The following RGS22 variants were observed in gnomAD, a reference collection of about 807,000 sequenced individuals.
RGS22 encodes the protein regulator of G protein signaling 22.
A neutral mutation model predicts 172.9 loss-of-function variants in RGS22; 148 were observed. That is an observed-to-expected ratio of 0.86 (90% confidence interval 0.75 to 0.98). The LOEUF (loss-of-function observed/expected upper bound fraction) is 0.98, where lower values mean the gene tolerates loss of function less well. Among genes scored for constraint, RGS22 ranks in the 50% least tolerant of loss-of-function variants. The pLI is 0.00. For synonymous variants in RGS22, 458 were observed against 480.2 expected (o/e 0.95, Z 0.60); for missense variants, 1,347 against 1,440.8 (o/e 0.93, Z 1.05).
At chr8:99,989,555 GATA>G in intron 20 of RGS22, among the ~76,000 whole-genome samples, 1 of 152,292 alleles carries the variant, frequency 6.6e-6, no homozygotes, top group East Asian at 1.9e-4. Flanking sequence ...AAATAGAAGG[GATA>G]ATGTGCCAGG....
chr8:100,085,192 T>C (rs1812074753), intron 3 of RGS22, among the ~76,000 whole-genome samples: 1 of 152,216 alleles, frequency 6.6e-6, no homozygotes, highest in South Asian at 2.1e-4. Context: ...AAAGTCTATA[T>C]CTTCTGCTCT....
chr8:100,002,354 T>G lies in RGS22; in HGVS notation c.2638A>C (p.Met880Leu), dbSNP rs758666099. 1.9e-6 allele frequency: 3 copies of G among 1,602,380 alleles called. No individual in the cohort carries two copies. Among genetic ancestry groups the G allele is most frequent in the Non-Finnish European group, 2.5e-6 (3 of 1,177,090 alleles). Residue 880 changes from methionine to leucine, a missense_variant, in exon 18 of 28, where the codon ATG becomes CTG. Met to Leu is a conservative substitution (Grantham distance 15). Coordinates refer to ENST00000360863, the MANE Select transcript of RGS22 (RefSeq NM_015668.5). Reference sequence around the variant, plus strand: ...AACTGCTCAATGTCTGTCCAGCACATAAGATCCATGCTAAAATGAAAACAA... The same window carrying G: ...AACTGCTCAATGTCTGTCCAGCACAGAAGATCCATGCTAAAATGAAAACAA... ...LETHSSSMDL[M>L]CWTDIEQFRR... is the part of the protein sequence containing the mutation.
chr8:99,972,565 A>T (rs1177773204), intron 23 of RGS22, among the ~76,000 whole-genome samples: 2 of 152,134 alleles, frequency 1.3e-5, no homozygotes, highest in African/African-American at 4.8e-5. Flanking sequence ...GGAAAAAACA[A>T]GCAATCCCAT....
intron 23 of RGS22, among the ~76,000 whole-genome samples, chr8:99,977,378 C>A (rs922664015): frequency 2.6e-5 from 4 of 151,396 alleles, no homozygotes; most frequent in African/African-American, 7.3e-5. Flanking sequence ...CCGTCTCGGC[C>A]TCCCAAAGTG....
intron 4 of RGS22, among the ~76,000 whole-genome samples, chr8:100,078,775 C>T (rs540240791): frequency 3.9e-5 from 6 of 152,050 alleles, no homozygotes; most frequent in Non-Finnish European, 7.4e-5. Flanking sequence ...TACAAGTGTA[C>T]GCCACCATGC....
rs746359304 is a variant in RGS22, at chr8:100,052,827, C to T, written c.1664G>A (p.Cys555Tyr). The T allele has an allele frequency of 6.2e-7, 1 of 1,614,024 alleles. No homozygotes were observed. The highest frequency in any genetic ancestry group is 1.1e-5 in the South Asian group (1 of 91,072). The change falls in exon 10 of 28, where the codon TGC becomes TAC. Residue 555 changes from cysteine to tyrosine, a missense_variant. Cys to Tyr is a radical substitution (Grantham distance 194). Coordinates refer to ENST00000360863, the MANE Select transcript of RGS22 (RefSeq NM_015668.5). ...ATLLPLRPKS[C>Y]IPQIPEIQKE... ...CTGGATCTCAGGTATCTGTGGAATG[C>T]AAGATTTGGGTCTTAATGGCAAGAG...
intron 9 of RGS22, among the ~76,000 whole-genome samples, chr8:100,058,116 A>G (rs1386845423): frequency 6.6e-6 from 1 of 152,054 alleles, no homozygotes; most frequent in East Asian, 1.9e-4. Context: ...TAATTGATCA[A>G]GAAGAAAGAA....
At chr8:100,020,650 G>A (rs1032261476) in intron 14 of RGS22, among the ~76,000 whole-genome samples, 9 of 152,176 alleles carry the variant, frequency 5.9e-5, no homozygotes, top group African/African-American at 1.2e-4. Context: ...CACAAGAGCC[G>A]ATTCATAAAC....
At chr8:100,054,383 C>G (rs1416284756) in intron 9 of RGS22, 1 of 154,172 alleles carries the variant, frequency 6.5e-6, no homozygotes, top group African/African-American at 2.4e-5. Flanking sequence ...TGCTTGAGGC[C>G]AGGAGTTCAA....
chr8:99,986,238 AT>A (rs1813085018), intron 21 of RGS22, among the ~76,000 whole-genome samples: 1 of 152,148 alleles, frequency 6.6e-6, no homozygotes. Context: ...TCAAAAAAAA[AT>A]TGTTTTTTAA....
intron 26 of RGS22, 86 bp downstream of exon 26, chr8:99,962,601 C>T (rs1588853474): frequency 6.9e-7 from 1 of 1,444,066 alleles, no homozygotes; most frequent in East Asian, 2.3e-5. Flanking sequence ...CCCCTTCCTC[C>T]CTGTACATTC....
Position 99,987,517 on chromosome 8 carries a change from G to A in RGS22, c.3121C>T (p.Leu1041=). The A allele has an allele frequency of 6.2e-7, 1 of 1,611,566 alleles. No individual in the cohort carries two copies. The highest frequency in any genetic ancestry group is 1.1e-5 in the South Asian group (1 of 90,844). ...CCATTTTCCAATAAATCTCCTTTTA[G>A]AGCCACAAAACGTTGAAATTGTCTT... ...TSRQFQRFVA[L]KGDLLENGLL... Residue 1041 remains leucine (L), a synonymous_variant, in exon 21 of 28, where the codon CTA becomes TTA. Transcript: ENST00000360863.
chr8:100,101,327 C>T (rs1385980535), intron 2 of RGS22, among the ~76,000 whole-genome samples: 1 of 150,394 alleles, frequency 6.6e-6, no homozygotes, highest in Non-Finnish European at 1.5e-5. Flanking sequence ...CGCTCTGTTG[C>T]CCAGGCTGGA....
chr8:100,084,169 TG>T (rs1186742027), intron 3 of RGS22, among the ~76,000 whole-genome samples: 1 of 152,186 alleles, frequency 6.6e-6, no homozygotes, highest in African/African-American at 2.4e-5. Flanking sequence ...CTGTGGATGC[TG>T]TGGACTGGCT....
chr8:100,101,983 G>A (rs1304104110), intron 2 of RGS22, among the ~76,000 whole-genome samples: 1 of 152,014 alleles, frequency 6.6e-6, no homozygotes, highest in African/African-American at 2.4e-5. Flanking sequence ...AAATATCAGG[G>A]ACCCAGGCCC....
chr8:100,097,228 C>T (rs1423853197), intron 2 of RGS22, among the ~76,000 whole-genome samples: 1 of 152,082 alleles, frequency 6.6e-6, no homozygotes, highest in Non-Finnish European at 1.5e-5. Context: ...TATGTATGCA[C>T]TGGAGTTTGG....
chr8:100,062,470 A>C, intron 9 of RGS22, 121 bp downstream of exon 9: 1 of 657,096 alleles, frequency 1.5e-6, no homozygotes, highest in Non-Finnish European at 2.6e-6. Context: ...AAGAAGGCCA[A>C]AGATACAATA....
chr8:100,053,217 A>G (rs1469179440), intron 9 of RGS22, among the ~76,000 whole-genome samples: 1 of 152,188 alleles, frequency 6.6e-6, no homozygotes, highest in Non-Finnish European at 1.5e-5. Flanking sequence ...AAACATCATA[A>G]GTAAAATTAT....
rs946370835 is a variant in RGS22 at position 100,105,837 on chromosome 8, C to T, written c.25+60G>A. ...GCAGGAGGTAAAGTCCAGAGGCTGG[C>T]GCGTGGTGCGGCCCCGACGCCGCGG... On this transcript the variant is annotated intron_variant, in intron 1 of 27. Coordinates refer to ENST00000360863, the MANE Select transcript of RGS22 (RefSeq NM_015668.5). The T allele has an allele frequency of 3.6e-6, 5 of 1,405,462 alleles. No homozygotes were observed. The South Asian group carries it at 5.3e-5, about 15-fold the overall frequency. The allele number at this position is 1,405,462 out of a possible 1,614,324, so 87.1% of individuals were successfully genotyped here. A position where few individuals can be genotyped will look rare whatever the true frequency, so the allele number is the denominator to read the frequency against.
Sources: allele counts gnomAD v4.1 joint callset (sites outside exome capture counted in the v4.1 genomes callset), GRCh38; gene constraint gnomAD v4.1.1; transcripts MANE v1.5; gene names NCBI Gene and HGNC (gene_info 2026-07-23, HGNC 2026-07-21).